Variants in PPP5C observed in about 807,000 individuals in gnomAD.
The protein encoded by PPP5C is serine/threonine-protein phosphatase 5.
A neutral mutation model predicts 66.7 loss-of-function variants in PPP5C; 21 were observed. That is an observed-to-expected ratio of 0.31 (90% CI 0.22 to 0.45). PPP5C has a LOEUF of 0.45. PPP5C is among the 20% of genes least tolerant of loss of function. PPP5C has a pLI of 1.00. For synonymous variants in PPP5C, 246 were observed against 257.4 expected (o/e 0.96, Z 0.43); for missense variants, 464 against 675.9 (o/e 0.69, Z 3.48).
In PPP5C at chr19:46,376,615, G is replaced by T. The variant is rs772090171; in HGVS notation, c.633+41G>T. ...GGTACTGGGCACCCGGGAACCCTGG[G>T]ATGGCATCACAGCACTGCCAGCCGC... On this transcript the variant is annotated intron_variant, in intron 4 of 12. Coordinates refer to ENST00000012443, the MANE Select transcript of PPP5C (RefSeq NM_006247.4). The surrounding 1 kb of genome is among the most constrained non-coding windows in gnomAD (Gnocchi z 5.1). 2 of 1,604,660 alleles carry T rather than the reference G, an allele frequency of 1.2e-6. No homozygotes were observed. Among genetic ancestry groups the T allele is most frequent in the South Asian group, 2.2e-5 (2 of 89,912 alleles).
intron 2 of PPP5C, among the ~76,000 whole-genome samples, chr19:46,363,673 C>T (rs756998100): frequency 7.9e-5 from 12 of 152,054 alleles, no homozygotes; most frequent in Non-Finnish European, 1.8e-4. Flanking sequence ...TGTGATCTGC[C>T]CCCGCTCAGC....
chr19:46,354,897 C>A (rs1305902906), intron 2 of PPP5C, among the ~76,000 whole-genome samples: 4 of 152,136 alleles, frequency 2.6e-5, no homozygotes, highest in African/African-American at 9.7e-5. Flanking sequence ...TGAGAATTCG[C>A]TAGTGCCCTC....
At chr19:46,369,952 C>T (rs1329619576) in intron 2 of PPP5C, among the ~76,000 whole-genome samples, 3 of 144,042 alleles carry the variant, frequency 2.1e-5, no homozygotes, top group African/African-American at 5.1e-5. Flanking sequence ...AAGATAAAAT[C>T]TAGTACACCT....
intron 9 of PPP5C, chr19:46,387,688 C>T: frequency 6.9e-7 from 1 of 1,452,808 alleles, no homozygotes; most frequent in Non-Finnish European, 9.1e-7. Context: ...CCGCCGAGCA[C>T]ACCTGTCCTT....
In PPP5C at chr19:46,376,715, G is replaced by A; in HGVS notation, c.633+141G>A. 8.2e-7 allele frequency: 1 copy of A among 1,214,062 alleles called. No homozygotes were observed. Among genetic ancestry groups the A allele is most frequent in the Non-Finnish European group, 1.1e-6 (1 of 878,060 alleles). 75.2% of individuals were successfully genotyped at this position (1,214,062 alleles called of 1,614,324 possible). Reference sequence around the variant, plus strand: ...AAACAGGAGTCGTGTGCCGGACACTGTGCCGAGGGCTTACCACATGATCTC... The same window carrying A: ...AAACAGGAGTCGTGTGCCGGACACTATGCCGAGGGCTTACCACATGATCTC... On this transcript the variant is annotated intron_variant, in intron 4 of 12. Coordinates refer to ENST00000012443, the MANE Select transcript of PPP5C (RefSeq NM_006247.4). The surrounding 1 kb of genome is among the most constrained non-coding windows in gnomAD (Gnocchi z 5.1).
In PPP5C at chr19:46,347,124, G is replaced by C. The variant is rs2147353881; in HGVS notation, c.28G>C (p.Glu10Gln). MAMAEGERT[E>Q]CAEPPRDEPP... The stretch of plus-strand genomic sequence containing the variant: ...GGCGATGGCGGAGGGCGAGAGGACT[G>C]AGTGTGCTGAGCCCCCCCGGGACGA... The change falls in exon 1 of 13, where the codon GAG becomes CAG. Residue 10 changes from glutamate to glutamine, a missense_variant. Glu to Gln is a conservative substitution (Grantham distance 29). This residue lies in a region of PPP5C where 77 missense variants were observed against 49.9 expected (regional missense o/e 1.54). Coordinates refer to ENST00000012443, the MANE Select transcript of PPP5C (RefSeq NM_006247.4). 1 of 1,604,902 alleles carries C rather than the reference G, an allele frequency of 6.2e-7. No homozygotes were observed. The highest frequency in any genetic ancestry group is 2.2e-5 in the East Asian group (1 of 44,510).
At chr19:46,379,272 T>C (rs1972749446) in intron 4 of PPP5C, among the ~76,000 whole-genome samples, 1 of 152,208 alleles carries the variant, frequency 6.6e-6, no homozygotes, top group East Asian at 1.9e-4. Context: ...CAGGATGGCC[T>C]CGATCTCTTG....
At chr19:46,348,458 C>T (rs1486377119) in intron 1 of PPP5C, among the ~76,000 whole-genome samples, 6 of 151,894 alleles carry the variant, frequency 4.0e-5, no homozygotes, top group South Asian at 4.2e-4. Context: ...GGATTATAGA[C>T]GCACACCACC....
chr19:46,349,192 G>A (rs968554779), intron 1 of PPP5C, among the ~76,000 whole-genome samples: 8 of 152,120 alleles, frequency 5.3e-5, no homozygotes, highest in African/African-American at 1.7e-4. Context: ...TACTTGGGAG[G>A]CTGAGGCAGG....
chr19:46,371,414 T>G (rs1972589542), intron 2 of PPP5C, among the ~76,000 whole-genome samples: 1 of 152,190 alleles, frequency 6.6e-6, no homozygotes, highest in Admixed American at 6.5e-5. Flanking sequence ...GGGTGTGACC[T>G]TCATGCAGTA....
chr19:46,370,780 G>T (rs543599932), intron 2 of PPP5C, among the ~76,000 whole-genome samples: 66 of 151,764 alleles, frequency 4.3e-4, no homozygotes, highest in South Asian at 4.2e-4. Context: ...TTGCTCTGTC[G>T]CCCATGCTGG....
At chr19:46,367,439 G>C (rs1234794525) in intron 2 of PPP5C, among the ~76,000 whole-genome samples, 3 of 152,200 alleles carry the variant, frequency 2.0e-5, no homozygotes, top group African/African-American at 7.2e-5. Flanking sequence ...GTTTGAAGCA[G>C]GGATCAGAAG....
At position 46,347,164 on chromosome 19, in the gene PPP5C, G is replaced by A. The variant is rs1288140755; in HGVS notation, c.68G>A (p.Gly23Glu). ...EPPRDEPPAD[G>E]ALKRAEELKT... ...CCCCGGGACGAACCCCCGGCTGATG[G>A]AGCTCTGAAGCGGGCAGAGGAGCTC... is the stretch of plus-strand genomic sequence containing the variant. Residue 23 changes from glycine to glutamate, a missense_variant, in exon 1 of 13, where the codon GGA becomes GAA. Physicochemically the swap from Gly to Glu is moderately conservative, Grantham distance 98 (BLOSUM62 -2). Transcript: ENST00000012443. 25 of 1,606,022 alleles carry A rather than the reference G, an allele frequency of 1.6e-5. No individual in the cohort carries two copies. The highest frequency in any genetic ancestry group is 4.5e-5 in the South Asian group (4 of 89,688).
chr19:46,382,806 A>G (rs1972815475), intron 4 of PPP5C: 1 of 1,035,752 alleles, frequency 9.7e-7, no homozygotes, highest in Non-Finnish European at 1.2e-6. Flanking sequence ...GACAGTCCAC[A>G]GGCCATCCGG....
intron 7 of PPP5C, chr19:46,386,634 G>A (rs1972893465): frequency 5.4e-6 from 1 of 184,660 alleles, no homozygotes; most frequent in African/African-American, 2.3e-5. Flanking sequence ...TTTTGAGACG[G>A]TCTTGCTTTG....
intron 1 of PPP5C, among the ~76,000 whole-genome samples, chr19:46,352,820 A>C (rs1173123792): frequency 3.6e-5 from 1 of 28,076 alleles, no homozygotes; most frequent in African/African-American, 1.7e-4. Context: ...ACTCCATCTC[A>C]AAAAAAAAAA....
intron 2 of PPP5C, among the ~76,000 whole-genome samples, chr19:46,363,177 G>A (rs1336714403): frequency 1.1e-4 from 15 of 140,932 alleles, no homozygotes; most frequent in Non-Finnish European, 3.1e-5. Context: ...GCATGGTGGC[G>A]GGCGCCTGTA....
chr19:46,359,777 C>CTTT (rs35982365), intron 2 of PPP5C, among the ~76,000 whole-genome samples: 3,454 of 121,624 alleles, frequency 0.028, 244 homozygotes, highest in African/African-American at 0.084. Flanking sequence ...TCGGATTAGA[C>CTTT]TTTTTTTTTT....
chr19:46,388,541 GCCCAC>G lies in PPP5C; in HGVS notation c.1177-9_1177-5del. On this transcript the variant is annotated splice_polypyrimidine_tract_variant and splice_region_variant and intron_variant, in intron 10 of 12. Transcript: ENST00000012443. This position sits in a 1 kb window ranked among gnomAD's most constrained non-coding sequence, Gnocchi z 4.9. ...CCCTGAACCCCTGTCTCTCCCTTCT[GCCCAC>G]CCTCAGAACGGGCGCTCGATCAGCA... 6.2e-7 allele frequency: 1 copy of G among 1,613,380 alleles called. No homozygotes were observed. Among genetic ancestry groups the G allele is most frequent in the Non-Finnish European group, 8.5e-7 (1 of 1,179,454 alleles).
Sources: allele counts gnomAD v4.1 joint callset (sites outside exome capture counted in the v4.1 genomes callset), GRCh38; gene constraint gnomAD v4.1.1; regional missense constraint gnomAD v4.1.1; non-coding constraint Gnocchi (gnomAD v3.1); transcripts MANE v1.5; gene names NCBI Gene and HGNC (gene_info 2026-07-23, HGNC 2026-07-21).